GNPAT: variants seen among roughly 807,000 people sequenced by gnomAD.
GNPAT encodes the protein glyceronephosphate O-acyltransferase, also known as dihydroxyacetone phosphate acyltransferase.
In GNPAT, 30 loss-of-function variants were observed where a neutral mutation model predicts 78.4. The ratio of observed to expected loss-of-function variants is 0.38; its 90% confidence interval spans 0.29 to 0.52. The LOEUF (loss-of-function observed/expected upper bound fraction) is 0.52. Among genes scored for constraint, GNPAT ranks in the 20% least tolerant of loss-of-function variants. The pLI is 0.84. For synonymous variants in GNPAT, 271 were observed against 281.1 expected (o/e 0.96, Z 0.36); for missense variants, 714 against 812.2 (o/e 0.88, Z 1.47).
At position 231,251,013 on chromosome 1, in the gene GNPAT, A is replaced by G. The variant is rs755694454; in HGVS notation, c.131A>G (p.His44Arg). The change falls in exon 2 of 16, where the codon CAT becomes CGT. Residue 44 changes from histidine to arginine, a missense_variant. By Grantham distance (29) the His-to-Arg change is conservative. Coordinates refer to ENST00000366647, the MANE Select transcript of GNPAT (RefSeq NM_014236.4). ...EFEDILEERR[H>R]VSDLKFAMKC... ...GAAGATATTTTAGAAGAGAGGAGGC[A>G]TGTCAGTGACTTGAAATTTGCAATG... 1 of 1,611,576 alleles carries G rather than the reference A, an allele frequency of 6.2e-7. No homozygotes were observed. Among genetic ancestry groups the G allele is most frequent in the East Asian group, 2.2e-5 (1 of 44,824 alleles).
intron 2 of GNPAT, among the ~76,000 whole-genome samples, chr1:231,259,006 A>G (rs567385855): frequency 6.6e-6 from 1 of 152,210 alleles, no homozygotes; most frequent in South Asian, 2.1e-4. Flanking sequence ...TTTTGCATCT[A>G]GGGAGAGCAT....
intron 6 of GNPAT, 43 bp from the exon 7 acceptor site, chr1:231,265,971 C>T: frequency 1.9e-6 from 3 of 1,546,208 alleles, no homozygotes; most frequent in Non-Finnish European, 2.7e-6. Context: ...GTTTGCTCTG[C>T]TCTTCAATAT....
At chr1:231,265,611 A>G in intron 5 of GNPAT, 101 bp from the exon 6 acceptor site, 2 of 903,688 alleles carry the variant, frequency 2.2e-6, no homozygotes, top group Non-Finnish European at 3.7e-6. Flanking sequence ...GTGTTTGTTC[A>G]GGAAGCTTGG....
rs1685688390 is a variant in GNPAT, at chr1:231,275,533, G to A, written c.1937+35G>A. ...GTACAAGATCCCATGAGTGCTCAAGGAACAAGGAAATGAATGACATTTGAG... is the reference window on the plus strand; with the variant it reads ...GTACAAGATCCCATGAGTGCTCAAGAAACAAGGAAATGAATGACATTTGAG... On this transcript the variant is annotated intron_variant, in intron 14 of 15. Transcript: ENST00000366647. The A allele has an allele frequency of 1.3e-5, 15 of 1,160,942 alleles. No individual in the cohort carries two copies. In the East Asian group the frequency reaches 3.5e-4, roughly 27 times the overall value. The allele number at this position is 1,160,942 out of a possible 1,614,324, so 71.9% of individuals were successfully genotyped here.
intron 10 of GNPAT, 119 bp downstream of exon 10, chr1:231,271,119 T>A: frequency 8.4e-7 from 1 of 1,196,848 alleles, no homozygotes; most frequent in Non-Finnish European, 1.2e-6. Flanking sequence ...AGCAGGCCTA[T>A]CACTGAGAAA....
rs775101967 is a variant in GNPAT at position 231,273,914 on chromosome 1, C to T, written c.1603-8C>T. 3.1e-6 allele frequency: 5 copies of T among 1,611,756 alleles called. No individual in the cohort carries two copies. The East Asian group carries it at 6.7e-5, about 22-fold the overall frequency. On this transcript the variant is annotated splice_polypyrimidine_tract_variant and splice_region_variant and intron_variant, in intron 11 of 15. Transcript: ENST00000366647. Reference sequence around the variant, plus strand: ...AGATGAACATTATGGCTTCCTCTTCCCTTCTAGGACTTTGAAGAAGGCTGT... The same window carrying T: ...AGATGAACATTATGGCTTCCTCTTCTCTTCTAGGACTTTGAAGAAGGCTGT...
At chr1:231,276,260 T>C (rs1685712279) in intron 15 of GNPAT, 64 bp downstream of exon 15, 3 of 792,162 alleles carry the variant, frequency 3.8e-6, no homozygotes, top group East Asian at 2.6e-5. Context: ...TAAGAAAGTA[T>C]ACTGTGGCAC....
In GNPAT at chr1:231,262,822, T is replaced by C. The variant is rs749681021; in HGVS notation, c.538T>C (p.Leu180=). 2.5e-6 allele frequency: 4 copies of C among 1,612,100 alleles called. No individual in the cohort carries two copies. The South Asian group carries it at 4.4e-5, about 18-fold the overall frequency. Residue 180 remains leucine (L), a synonymous_variant, in exon 4 of 16, where the codon TTG becomes CTG. Transcript: ENST00000366647. ...GTCTTTTCTTCTATACAATTATGAT[T>C]TGCCTGTGCCAGTTATAGCAGCAGG... The part of the protein sequence containing the change: ...MLSFLLYNYD[L]PVPVIAAGMD...
At chr1:231,246,489 A>G (rs1684752990) in intron 1 of GNPAT, among the ~76,000 whole-genome samples, 1 of 152,214 alleles carries the variant, frequency 6.6e-6, no homozygotes, top group Non-Finnish European at 1.5e-5. Flanking sequence ...CCTCCAGAGC[A>G]GTTAAAAGGG....
Position 231,265,890 on chromosome 1 carries a change from T to C in GNPAT, c.772+103T>C, listed in dbSNP as rs375898205. ...ACAAGATATTCTTTTCAAGTGTAAA[T>C]GTATAACTGTTGATATTTACGGGAT... is the stretch of plus-strand genomic sequence containing the variant. On this transcript the variant is annotated intron_variant, in intron 6 of 15. Coordinates refer to ENST00000366647, the MANE Select transcript of GNPAT (RefSeq NM_014236.4). The C allele has an allele frequency of 4.4e-5, 46 of 1,049,276 alleles. No individual in the cohort carries two copies. The Middle Eastern group carries it at 1.2e-3, about 27-fold the overall frequency. The allele number at this position is 1,049,276 out of a possible 1,614,324, so 65.0% of individuals were successfully genotyped here. A position where few individuals can be genotyped will look rare whatever the true frequency, so the allele number is the denominator to read the frequency against.
chr1:231,267,534 G>C (rs1171660401), intron 8 of GNPAT, 146 bp from the exon 9 acceptor site: 1 of 708,242 alleles, frequency 1.4e-6, no homozygotes, highest in Admixed American at 2.0e-5. Flanking sequence ...CTATAGTAAA[G>C]CAAAGGAATA....
intron 1 of GNPAT, among the ~76,000 whole-genome samples, chr1:231,245,421 TA>T (rs1684719819): frequency 6.6e-6 from 1 of 151,874 alleles, no homozygotes; most frequent in Non-Finnish European, 1.5e-5. Context: ...TTTTTTTTTT[TA>T]TTTTGTGTAG....
At chr1:231,276,416 T>TA (rs1174442832) in intron 15 of GNPAT, among the ~76,000 whole-genome samples, 1 of 152,200 alleles carries the variant, frequency 6.6e-6, no homozygotes, top group African/African-American at 2.4e-5. Context: ...GAAGCAGTCT[T>TA]ACACAGTAGA....
intron 8 of GNPAT, among the ~76,000 whole-genome samples, chr1:231,266,818 TAG>T (rs1685402709): frequency 1.3e-5 from 2 of 152,212 alleles, no homozygotes; most frequent in Admixed American, 1.3e-4. Context: ...CCTTAGTCTC[TAG>T]AGAGTTATAG....
intron 1 of GNPAT, among the ~76,000 whole-genome samples, chr1:231,249,263 C>T (rs779992696): frequency 2.0e-5 from 3 of 152,142 alleles, no homozygotes; most frequent in Non-Finnish European, 4.4e-5. Flanking sequence ...ATGAGAACTC[C>T]AACAGTGAAA....
chr1:231,247,029 C>T (rs1177175258), intron 1 of GNPAT, among the ~76,000 whole-genome samples: 4 of 152,124 alleles, frequency 2.6e-5, no homozygotes, highest in Non-Finnish European at 5.9e-5. Context: ...ATTAGCCGGG[C>T]ATGGTGGCGG....
intron 10 of GNPAT, 78 bp from the exon 11 acceptor site, chr1:231,272,234 T>C: frequency 1.3e-6 from 1 of 774,558 alleles, no homozygotes; most frequent in Non-Finnish European, 2.4e-6. Flanking sequence ...ATACATTTTG[T>C]GATAGTAAGG....
chr1:231,247,251 C>G (rs1256075154), intron 1 of GNPAT, among the ~76,000 whole-genome samples: 1 of 151,998 alleles, frequency 6.6e-6, no homozygotes, highest in African/African-American at 2.4e-5. Context: ...GAGGAGCCAT[C>G]ATCGATAGGG....
At chr1:231,255,514 C>T (rs1202567249) in intron 2 of GNPAT, among the ~76,000 whole-genome samples, 1 of 152,188 alleles carries the variant, frequency 6.6e-6, no homozygotes, top group Non-Finnish European at 1.5e-5. Flanking sequence ...ACCTTGAACT[C>T]CTGGGCTCAA....
Sources: gnomAD v4.1 joint callset for allele counts (sites outside exome capture counted in the v4.1 genomes callset) on GRCh38, gnomAD v4.1.1 for gene constraint, MANE v1.5 for transcripts, NCBI Gene and HGNC (gene_info 2026-07-23, HGNC 2026-07-21) for gene names.